NR6A1: variants seen among roughly 807,000 people sequenced by gnomAD.
NR6A1 encodes nuclear receptor subfamily 6 group A member 1.
NR6A1 carries 7 observed loss-of-function variants against 59.1 expected under a neutral mutation model. The ratio of observed to expected loss-of-function variants is 0.12; its 90% CI spans 0.07 to 0.22. NR6A1 has a LOEUF of 0.22. Ranked by LOEUF, NR6A1 falls within the 10% of genes least tolerant of loss-of-function variation. The pLI is 1.00. For missense variants in NR6A1, 468 were observed against 611.6 expected (o/e 0.77, Z 2.48); for synonymous variants, 243 against 236.1 (o/e 1.03, Z -0.27).
intron 1 of NR6A1, among the ~76,000 whole-genome samples, chr9:124,761,396 A>G (rs1023984337): frequency 1.3e-5 from 2 of 152,164 alleles, no homozygotes; most frequent in Non-Finnish European, 2.9e-5. Flanking sequence ...TGTTATTCAC[A>G]TTGTTATGTG....
chr9:124,588,399 C>T (rs145326821), intron 2 of NR6A1, among the ~76,000 whole-genome samples: 1,573 of 151,986 alleles, frequency 0.01, 27 homozygotes, highest in African/African-American at 0.036. Context: ...GCTCTGCCTT[C>T]CGGGTTCACG....
At chr9:124,610,399 C>T (rs1835704321) in intron 2 of NR6A1, among the ~76,000 whole-genome samples, 1 of 152,084 alleles carries the variant, frequency 6.6e-6, no homozygotes, top group Non-Finnish European at 1.5e-5. Flanking sequence ...TGATGAATTA[C>T]GTTTATTGAT....
chr9:124,677,670 A>G lies in NR6A1; in HGVS notation c.142+55638T>C, dbSNP rs542200250. 5.9e-4 allele frequency among the ~76,000 whole-genome samples: 90 copies of G among 152,238 alleles called. 1 individual carries two copies. The South Asian group carries it at 0.018, about 31-fold the overall frequency. The stretch of plus-strand genomic sequence containing the variant: ...ATATGTTAACTACTATCCAGATCAA[A>G]ATATGAGCACACATTTATTGCAGCC... On this transcript the variant is annotated intron_variant, in intron 2 of 9. Transcript: ENST00000487099.
chr9:124,711,658 T>C (rs1306528882), intron 2 of NR6A1, among the ~76,000 whole-genome samples: 1 of 152,192 alleles, frequency 6.6e-6, no homozygotes, highest in Non-Finnish European at 1.5e-5. Context: ...GGGTCTACTC[T>C]ATTACTTTAA....
intron 7 of NR6A1, among the ~76,000 whole-genome samples, chr9:124,535,475 G>A (rs1170734872): frequency 1.3e-5 from 2 of 152,122 alleles, no homozygotes; most frequent in African/African-American, 2.4e-5. Context: ...CTACTTGGGA[G>A]GCTGAGGCAG....
intron 2 of NR6A1, among the ~76,000 whole-genome samples, chr9:124,663,447 T>C (rs920281318): frequency 2.6e-5 from 4 of 152,218 alleles, no homozygotes; most frequent in Admixed American, 6.5e-5. Flanking sequence ...CCTTATTTAC[T>C]ACAGGATCTT....
chr9:124,569,719 G>C (rs545649916), intron 2 of NR6A1, among the ~76,000 whole-genome samples: 14 of 152,300 alleles, frequency 9.2e-5, no homozygotes, highest in Non-Finnish European at 1.5e-4. Flanking sequence ...TTGGGAACAG[G>C]TACCCTCAAA....
At chr9:124,679,219 T>C (rs1838049839) in intron 2 of NR6A1, among the ~76,000 whole-genome samples, 1 of 152,178 alleles carries the variant, frequency 6.6e-6, no homozygotes. Flanking sequence ...AATAGAGCAA[T>C]TTCCATAACT....
chr9:124,734,701 A>G (rs1249151561), intron 1 of NR6A1, among the ~76,000 whole-genome samples: 1 of 152,182 alleles, frequency 6.6e-6, no homozygotes, highest in Non-Finnish European at 1.5e-5. Flanking sequence ...TCAAAAAATA[A>G]AACAAAAAAA....
intron 2 of NR6A1, among the ~76,000 whole-genome samples, chr9:124,628,184 C>T (rs1452372804): frequency 6.6e-6 from 1 of 152,112 alleles, no homozygotes; most frequent in African/African-American, 2.4e-5. Flanking sequence ...CACGCCACCA[C>T]ACCCAGGTAA....
intron 2 of NR6A1, among the ~76,000 whole-genome samples, chr9:124,683,994 T>C (rs1031407564): frequency 1.3e-5 from 2 of 152,308 alleles, no homozygotes; most frequent in African/African-American, 2.4e-5. Flanking sequence ...ACTAGCAAAG[T>C]GGCATTTTTG....
chr9:124,647,519 G>T (rs561862146), intron 2 of NR6A1, among the ~76,000 whole-genome samples: 1 of 152,186 alleles, frequency 6.6e-6, no homozygotes, highest in South Asian at 2.1e-4. Context: ...CGTGAGGTCA[G>T]GAGTTCGAGA....
At chr9:124,604,403 C>T (rs1161003687) in intron 2 of NR6A1, among the ~76,000 whole-genome samples, 1 of 152,212 alleles carries the variant, frequency 6.6e-6, no homozygotes, top group African/African-American at 2.4e-5. Flanking sequence ...TTTGACTATA[C>T]CCACATACAA....
At chr9:124,658,317 A>C (rs115988606) in intron 2 of NR6A1, 17 of 152,324 alleles carry the variant, frequency 1.1e-4, no homozygotes, top group African/African-American at 3.9e-4. Context: ...CCCAATCAGA[A>C]GACAAACCCC....
At chr9:124,643,942 C>T (rs1836850234) in intron 2 of NR6A1, among the ~76,000 whole-genome samples, 1 of 152,122 alleles carries the variant, frequency 6.6e-6, no homozygotes, top group Non-Finnish European at 1.5e-5. Context: ...CACTCTGTCA[C>T]CAGGCTGGGG....
At chr9:124,703,338 A>T (rs1230175249) in intron 2 of NR6A1, among the ~76,000 whole-genome samples, 1 of 150,326 alleles carries the variant, frequency 6.7e-6, no homozygotes, top group Non-Finnish European at 1.5e-5. Context: ...TCGACCTCCT[A>T]AGTAGCAAGG....
chr9:124,524,195 G>C (rs1239546497), intron 9 of NR6A1, among the ~76,000 whole-genome samples: 5 of 152,188 alleles, frequency 3.3e-5, no homozygotes, highest in African/African-American at 1.2e-4. Flanking sequence ...AGCCTCAACT[G>C]ATCCTCTCGC....
intron 7 of NR6A1, among the ~76,000 whole-genome samples, chr9:124,532,909 C>A (rs1328890784): frequency 6.6e-6 from 1 of 152,174 alleles, no homozygotes; most frequent in Admixed American, 6.5e-5. Context: ...GACGGTACAG[C>A]TTTAGATCCT....
At chr9:124,609,809 TG>T (rs965419050) in intron 2 of NR6A1, among the ~76,000 whole-genome samples, 85 of 152,340 alleles carry the variant, frequency 5.6e-4, no homozygotes, top group African/African-American at 1.9e-3. Context: ...TAGCTCTCCT[TG>T]AAGAGGTCCT....
Sources: gnomAD v4.1 joint callset for allele counts (sites outside exome capture counted in the v4.1 genomes callset) on GRCh38, gnomAD v4.1.1 for gene constraint, MANE v1.5 for transcripts, NCBI Gene and HGNC (gene_info 2026-07-23, HGNC 2026-07-21) for gene names.